NDRG3: variants seen among roughly 807,000 people sequenced by gnomAD.
NDRG3 encodes NDRG family member 3, also known as protein NDRG3.
Under a neutral mutation model 57.2 loss-of-function variants are expected in NDRG3, and 23 were observed. The observed-to-expected ratio is 0.40, with a 90% confidence interval of 0.29 to 0.57. The LOEUF (loss-of-function observed/expected upper bound fraction) is 0.57. Ranked by LOEUF, NDRG3 falls within the 20% of genes least tolerant of loss-of-function variation. NDRG3 has a pLI of 0.42. For missense variants in NDRG3, 384 were observed against 457.3 expected (o/e 0.84, Z 1.46); for synonymous variants, 132 against 162.6 (o/e 0.81, Z 1.43).
chr20:36,728,585 T>C (rs1382458425), intron 1 of NDRG3, among the ~76,000 whole-genome samples: 2 of 152,136 alleles, frequency 1.3e-5, no homozygotes, highest in Non-Finnish European at 2.9e-5. Flanking sequence ...CTCAAAAAGA[T>C]TGGGGTTTTG....
intron 8 of NDRG3, 40 bp from the exon 9 acceptor site, chr20:36,671,437 T>G: frequency 2.0e-6 from 3 of 1,518,312 alleles, no homozygotes; most frequent in Non-Finnish European, 2.7e-6. Flanking sequence ...TGTAAGCATA[T>G]GCAAAAATTT....
intron 1 of NDRG3, among the ~76,000 whole-genome samples, chr20:36,725,424 G>C (rs897439645): frequency 6.6e-6 from 1 of 151,900 alleles, no homozygotes; most frequent in Non-Finnish European, 1.5e-5. Context: ...ACAACATGGT[G>C]AAACCCTGTC....
At chr20:36,671,216 C>G in intron 9 of NDRG3, 125 bp downstream of exon 9, 1 of 751,478 alleles carries the variant, frequency 1.3e-6, no homozygotes, top group South Asian at 1.7e-5. Context: ...GCCTTTCAGA[C>G]TACATTGGAA....
At chr20:36,723,038 G>GA (rs1984690737) in intron 1 of NDRG3, among the ~76,000 whole-genome samples, 2 of 152,286 alleles carry the variant, frequency 1.3e-5, no homozygotes, top group South Asian at 4.1e-4. Context: ...GAGTTACCTT[G>GA]CAAATGAATC....
intron 3 of NDRG3, among the ~76,000 whole-genome samples, chr20:36,692,051 T>C (rs889825670): frequency 1.3e-5 from 2 of 152,114 alleles, no homozygotes; most frequent in Non-Finnish European, 2.9e-5. Flanking sequence ...GGTGCTACGA[T>C]AGAAAAGTAA....
intron 1 of NDRG3, among the ~76,000 whole-genome samples, chr20:36,726,286 A>C (rs1164428904): frequency 6.6e-6 from 1 of 152,174 alleles, no homozygotes; most frequent in Non-Finnish European, 1.5e-5. Context: ...TTAAACAAAG[A>C]CACAAATTAA....
At chr20:36,660,685 C>T (rs1041909983) in intron 12 of NDRG3, among the ~76,000 whole-genome samples, 7 of 151,666 alleles carry the variant, frequency 4.6e-5, no homozygotes, top group Non-Finnish European at 7.4e-5. Context: ...CTCAGCCTCC[C>T]GAGTAGCTGG....
intron 8 of NDRG3, among the ~76,000 whole-genome samples, chr20:36,672,554 C>T (rs1426710643): frequency 5.9e-5 from 9 of 152,310 alleles, no homozygotes; most frequent in Admixed American, 6.5e-5. Flanking sequence ...GTAGGCTGGG[C>T]GTGGTGGCTC....
At chr20:36,685,249 T>C (rs1328954054) in intron 5 of NDRG3, among the ~76,000 whole-genome samples, 1 of 152,086 alleles carries the variant, frequency 6.6e-6, no homozygotes, top group African/African-American at 2.4e-5. Context: ...TGAATGCTTA[T>C]TTGTTTCACT....
At chr20:36,733,171 A>AAAAATATAT (rs1555807709) in intron 1 of NDRG3, among the ~76,000 whole-genome samples, 14 of 33,164 alleles carry the variant, frequency 4.2e-4, no homozygotes, top group East Asian at 1.4e-3. Context: ...AAAAAAAAAA[A>AAAAATATAT]ATATATATAT....
At chr20:36,739,514 A>G (rs1985809139) in intron 1 of NDRG3, among the ~76,000 whole-genome samples, 2 of 150,538 alleles carry the variant, frequency 1.3e-5, no homozygotes, top group South Asian at 2.1e-4. Flanking sequence ...CCTTAAAAAT[A>G]TAGAAGCACT....
At chr20:36,660,165 G>A (rs1020434483) in intron 13 of NDRG3, among the ~76,000 whole-genome samples, 172 bp downstream of exon 13, 1 of 151,834 alleles carries the variant, frequency 6.6e-6, no homozygotes, top group Non-Finnish European at 1.5e-5. Context: ...CTGAGATGGC[G>A]CCACTGCACT....
intron 1 of NDRG3, among the ~76,000 whole-genome samples, chr20:36,741,177 C>A (rs1447021642): frequency 6.6e-6 from 1 of 152,052 alleles, no homozygotes; most frequent in African/African-American, 2.4e-5. Flanking sequence ...TCTGTCTTCA[C>A]TTCTTACCCG....
At chr20:36,724,639 G>A (rs913011325) in intron 1 of NDRG3, among the ~76,000 whole-genome samples, 5 of 152,148 alleles carry the variant, frequency 3.3e-5, no homozygotes, top group Admixed American at 1.3e-4. Flanking sequence ...ATTTAAAAGC[G>A]TTTTCCGGCC....
In NDRG3 at chr20:36,725,893, A is replaced by G. The variant is rs572050418; in HGVS notation, c.-48-4110T>C. Among the ~76,000 whole-genome samples the G allele has an allele frequency of 2.6e-5, 4 of 151,584 alleles. No individual in the cohort carries two copies. The East Asian group carries it at 7.8e-4, about 29-fold the overall frequency. ...TCAGAGAGAGGCCTAAGGTGCCCTC[A>G]AGTCCAAAGTGACTGGCATTCACCT... On this transcript the variant is annotated intron_variant, in intron 1 of 15. Transcript: ENST00000349004.
At chr20:36,689,325 C>T (rs1461794413) in intron 3 of NDRG3, among the ~76,000 whole-genome samples, 1 of 152,112 alleles carries the variant, frequency 6.6e-6, no homozygotes, top group African/African-American at 2.4e-5. Context: ...AGCTCACTTA[C>T]GAGCCCAGGG....
chr20:36,714,266 G>A (rs550875580), intron 2 of NDRG3, among the ~76,000 whole-genome samples: 3 of 151,626 alleles, frequency 2.0e-5, no homozygotes, highest in Admixed American at 6.6e-5. Context: ...TTAGCAGGGC[G>A]TGGTGGTGGG....
chr20:36,698,575 TA>T (rs879720706), intron 3 of NDRG3, among the ~76,000 whole-genome samples: 142 of 142,364 alleles, frequency 1.0e-3, no homozygotes, highest in Admixed American at 8.5e-4. Context: ...GACCCTTTCT[TA>T]AAAAAAAAAA....
intron 1 of NDRG3, among the ~76,000 whole-genome samples, chr20:36,740,788 A>G (rs933893755): frequency 6.6e-6 from 1 of 152,224 alleles, no homozygotes; most frequent in Non-Finnish European, 1.5e-5. Flanking sequence ...ATAACATGCA[A>G]AACACCCTTC....
Sources: allele counts gnomAD v4.1 joint callset (sites outside exome capture counted in the v4.1 genomes callset), GRCh38; gene constraint gnomAD v4.1.1; transcripts MANE v1.5; gene names NCBI Gene and HGNC (gene_info 2026-07-23, HGNC 2026-07-21).